Variants in TRIM25 observed in about 807,000 individuals in gnomAD.
TRIM25 encodes the protein tripartite motif containing 25, also known as E3 ubiquitin/ISG15 ligase TRIM25.
In TRIM25, 45 loss-of-function variants were observed where a neutral mutation model predicts 65.2. The ratio of observed to expected loss-of-function variants is 0.69; its 90% confidence interval spans 0.54 to 0.89. The LOEUF (loss-of-function observed/expected upper bound fraction) is 0.89, where lower values mean the gene tolerates loss of function less well. Ranked by LOEUF, TRIM25 falls within the 40% of genes least tolerant of loss-of-function variation. TRIM25 has a pLI of 0.00. For missense variants in TRIM25, 714 were observed against 803.7 expected (o/e 0.89, Z 1.35); for synonymous variants, 321 against 340.4 (o/e 0.94, Z 0.63).
chr17:56,893,640 C>T (rs532663293), intron 8 of TRIM25, among the ~76,000 whole-genome samples: 4 of 152,306 alleles, frequency 2.6e-5, no homozygotes, highest in African/African-American at 4.8e-5. Flanking sequence ...GAGTGTTGCA[C>T]GTGGGTGCAG....
intron 2 of TRIM25, 81 bp from the exon 3 acceptor site, chr17:56,904,569 G>T: frequency 7.8e-7 from 1 of 1,280,714 alleles, no homozygotes; most frequent in Non-Finnish European, 1.1e-6. Context: ...GTGAGATGTG[G>T]AGTTCCAGGA....
At chr17:56,904,512 T>C (rs375652288) in intron 2 of TRIM25, 24 bp from the exon 3 acceptor site, 2 of 1,610,656 alleles carry the variant, frequency 1.2e-6, no homozygotes, top group Non-Finnish European at 1.7e-6. Context: ...GGTAAGAGGA[T>C]GCCCGTCAAA....
In TRIM25 at chr17:56,891,768, C is replaced by T. The variant is rs1909175466; in HGVS notation, c.1825G>A (p.Glu609Lys). The T allele has an allele frequency of 1.2e-6, 2 of 1,614,108 alleles. No homozygotes were observed. The highest frequency in any genetic ancestry group is 1.7e-5 in the Admixed American group (1 of 60,012). Residue 609 changes from glutamate to lysine, a missense_variant, in exon 9 of 9, where the codon GAG becomes AAG. This residue lies in a region of TRIM25 where 413 missense variants were observed against 498.2 expected (regional missense o/e 0.83). Coordinates refer to ENST00000316881, the MANE Select transcript of TRIM25 (RefSeq NM_005082.5). Reference sequence around the variant, plus strand: ...ACCCAGAAAGCCGGGTACAAAGCCTCAGTAAAGTCCACCCTGAACTTATAC... The same window carrying T: ...ACCCAGAAAGCCGGGTACAAAGCCTTAGTAAAGTCCACCCTGAACTTATAC... ...LMYKFRVDFTEALYPAFWVFS... is the reference protein window; with the variant it reads ...LMYKFRVDFTKALYPAFWVFS...
intron 4 of TRIM25, 95 bp downstream of exon 4, chr17:56,901,324 G>A (rs747545367): frequency 2.1e-4 from 299 of 1,403,966 alleles, no homozygotes; most frequent in Non-Finnish European, 2.7e-4. Context: ...CCCAGTGCTC[G>A]GGATCACGCC....
Position 56,913,757 on chromosome 17 carries a change from G to A in TRIM25, c.232C>T (p.Gln78Ter). The A allele has an allele frequency of 6.5e-7, 1 of 1,547,932 alleles. No homozygotes were observed. Among genetic ancestry groups the A allele is most frequent in the Non-Finnish European group, 8.7e-7 (1 of 1,145,716 alleles). ...GGTGGCTCCCGGGCCAGGTCGGCCT[G>A]CAGGAACTGCTCCACCACGTTGCAC... The part of the protein sequence containing the change: ...VLCNVVEQFL[Q>*]ADLAREPPAD... Residue 78 changes from glutamine (Q) to a stop codon, truncating the protein, a stop_gained, in exon 1 of 9, where the codon CAG (glutamine) becomes TAG (stop). Coordinates refer to ENST00000316881, the MANE Select transcript of TRIM25 (RefSeq NM_005082.5). LOFTEE classifies it high-confidence loss of function. The surrounding 1 kb of genome is among the most constrained non-coding windows in gnomAD (Gnocchi z 6.1).
chr17:56,909,371 C>T (rs1352726948), intron 1 of TRIM25, among the ~76,000 whole-genome samples: 1 of 152,060 alleles, frequency 6.6e-6, no homozygotes, highest in Non-Finnish European at 1.5e-5. Context: ...CAGACTGGGA[C>T]CACCAAGGGC....
intron 5 of TRIM25, among the ~76,000 whole-genome samples, chr17:56,898,284 T>C (rs898757380): frequency 6.6e-6 from 1 of 152,174 alleles, no homozygotes; most frequent in African/African-American, 2.4e-5. Context: ...CTCAGCGGTA[T>C]ATGGACATGT....
Position 56,904,503 on chromosome 17 carries a change from G to A in TRIM25, c.694-15C>T, listed in dbSNP as rs1171863749. 6.2e-7 allele frequency: 1 copy of A among 1,612,298 alleles called. No homozygotes were observed. The highest frequency in any genetic ancestry group is 1.1e-5 in the South Asian group (1 of 91,044). ...TTTGCAGTCATCTGAGAGGGCCAAGGTAAGAGGATGCCCGTCAAAGGGGCA... is the reference window on the plus strand; with the variant it reads ...TTTGCAGTCATCTGAGAGGGCCAAGATAAGAGGATGCCCGTCAAAGGGGCA... On this transcript the variant is annotated splice_polypyrimidine_tract_variant and intron_variant, in intron 2 of 8. Coordinates refer to ENST00000316881, the MANE Select transcript of TRIM25 (RefSeq NM_005082.5).
In TRIM25 at chr17:56,894,181, G is replaced by A. The variant is rs577204046; in HGVS notation, c.1363+1162C>T. Among the ~76,000 whole-genome samples the A allele has an allele frequency of 9.8e-5, 15 of 152,318 alleles. No homozygotes were observed. The South Asian group carries it at 2.1e-3, about 21-fold the overall frequency. On this transcript the variant is annotated intron_variant, in intron 8 of 8. Coordinates refer to ENST00000316881, the MANE Select transcript of TRIM25 (RefSeq NM_005082.5). ...AAATGAGCTAAACATACAGCTTTCC[G>A]TGCTTGCCTGAGTCTGATCTTGTAG...
chr17:56,890,919 T>A lies in TRIM25; in HGVS notation c.*781A>T, dbSNP rs951415186. The A allele has an allele frequency of 2.2e-6, 1 of 456,398 alleles. No homozygotes were observed. Among genetic ancestry groups the A allele is most frequent in the Non-Finnish European group, 4.4e-6 (1 of 226,904 alleles). The allele number at this position is 456,398 out of a possible 1,614,324, so 28.3% of individuals were successfully genotyped here. ...ACCAAAGCATCTCTGCCAAGATGCT[T>A]CTTATGATACTTAGGAAGGATTTCC... On this transcript the variant is annotated 3_prime_UTR_variant, in exon 9 of 9. Coordinates refer to ENST00000316881, the MANE Select transcript of TRIM25 (RefSeq NM_005082.5).
At chr17:56,900,247 C>T (rs1909384244) in intron 4 of TRIM25, among the ~76,000 whole-genome samples, 1 of 151,852 alleles carries the variant, frequency 6.6e-6, no homozygotes, top group Admixed American at 6.6e-5. Flanking sequence ...ATTAGCCGGG[C>T]ATGATGGTGT....
At position 56,908,946 on chromosome 17, in the gene TRIM25, T is replaced by G. The variant is rs117932481; in HGVS notation, c.598-383A>C. 2.5e-3 allele frequency among the ~76,000 whole-genome samples: 383 copies of G among 152,148 alleles called. 1 individual carries two copies. The highest frequency in any genetic ancestry group is 4.3e-3 in the Non-Finnish European group (291 of 68,006). On this transcript the variant is annotated intron_variant, in intron 1 of 8. Coordinates refer to ENST00000316881, the MANE Select transcript of TRIM25 (RefSeq NM_005082.5). The stretch of plus-strand genomic sequence containing the variant: ...TGCCTGGATCTTAGGAAAAACATAC[T>G]AAATGCCAGCTTATATTATTATGAG...
chr17:56,901,674 A>G (rs568150482), intron 3 of TRIM25, 96 bp from the exon 4 acceptor site: 11 of 1,496,366 alleles, frequency 7.4e-6, no homozygotes, highest in Non-Finnish European at 1.0e-5. Context: ...CCTATGCCCA[A>G]GAGTGCTAAG....
At chr17:56,908,978 T>C (rs1186068204) in intron 1 of TRIM25, among the ~76,000 whole-genome samples, 2 of 152,034 alleles carry the variant, frequency 1.3e-5, no homozygotes, top group Non-Finnish European at 2.9e-5. Context: ...TGAGTTTTTC[T>C]CTAATTACCC....
intron 3 of TRIM25, 147 bp from the exon 4 acceptor site, chr17:56,901,725 G>A: frequency 1.0e-6 from 1 of 995,082 alleles, no homozygotes; most frequent in African/African-American, 1.6e-5. Flanking sequence ...AGGTCACCAG[G>A]AGTTTAAATG....
At position 56,908,517 on chromosome 17, in the gene TRIM25, C is replaced by G. The variant is rs1266754348; in HGVS notation, c.644G>C (p.Gly215Ala). 6.2e-7 allele frequency: 1 copy of G among 1,614,074 alleles called. No individual in the cohort carries two copies. The highest frequency in any genetic ancestry group is 1.7e-5 in the Admixed American group (1 of 60,024). The change falls in exon 2 of 9, where the codon GGG becomes GCG. Residue 215 changes from glycine (G) to alanine (A), a missense_variant. Physicochemically the swap from Gly to Ala is moderately conservative, Grantham distance 60. Around this residue, in one of 3 missense-constraint regions of TRIM25, gnomAD observed 413 missense variants for 498.2 expected, o/e 0.83. Transcript: ENST00000316881. ...KLTVMYSQIN[G>A]ASRALDDVRN... is the part of the protein sequence containing the mutation. The stretch of plus-strand genomic sequence containing the variant: ...CACATCATCCAGTGCTCTCGACGCC[C>G]CGTTGATCTGACTGTACATGACAGT...
intron 8 of TRIM25, among the ~76,000 whole-genome samples, chr17:56,893,474 C>A (rs903873349): frequency 6.6e-6 from 1 of 152,198 alleles, no homozygotes; most frequent in African/African-American, 2.4e-5. Context: ...GCAGGGACAG[C>A]GGAGGGCTAC....
At position 56,891,223 on chromosome 17, in the gene TRIM25, T is replaced by C. The variant is rs1412599268; in HGVS notation, c.*477A>G. Reference sequence around the variant, plus strand: ...GCCCCAACATGCGGGTAATGGAGTTTATGTAACATTGAAACTCAATGACTT... The same window carrying C: ...GCCCCAACATGCGGGTAATGGAGTTCATGTAACATTGAAACTCAATGACTT... On this transcript the variant is annotated 3_prime_UTR_variant, in exon 9 of 9. Coordinates refer to ENST00000316881, the MANE Select transcript of TRIM25 (RefSeq NM_005082.5). 2 of 335,344 alleles carry C rather than the reference T, an allele frequency of 6.0e-6. No individual in the cohort carries two copies. Among genetic ancestry groups the C allele is most frequent in the Admixed American group, 9.1e-5 (2 of 22,020 alleles). 20.8% of individuals were successfully genotyped at this position (335,344 alleles called of 1,614,324 possible).
At chr17:56,905,847 G>A (rs138586936) in intron 2 of TRIM25, among the ~76,000 whole-genome samples, 15 of 152,118 alleles carry the variant, frequency 9.9e-5, no homozygotes, top group Non-Finnish European at 1.6e-4. Context: ...AGTGGGGGTG[G>A]TGAAGGGGAG....
Sources: gnomAD v4.1 joint callset for allele counts (sites outside exome capture counted in the v4.1 genomes callset) on GRCh38, gnomAD v4.1.1 for gene constraint, gnomAD v4.1.1 regional missense constraint, Gnocchi (gnomAD v3.1) non-coding constraint, MANE v1.5 for transcripts, NCBI Gene and HGNC (gene_info 2026-07-23, HGNC 2026-07-21) for gene names.